CNOT4: variants seen among roughly 807,000 people sequenced by gnomAD.
The protein encoded by CNOT4 is CCR4-NOT transcription complex subunit 4.
Under a neutral mutation model 73.8 loss-of-function variants are expected in CNOT4, and 8 were observed. The ratio of observed to expected loss-of-function variants is 0.11; its 90% confidence interval spans 0.06 to 0.20. CNOT4 has a LOEUF of 0.20. CNOT4 is among the 10% of genes least tolerant of loss of function. The probability of loss-of-function intolerance (pLI) is 1.00; values close to 1 mark genes in which losing one functional copy is unlikely to be tolerated. For missense variants in CNOT4, 564 were observed against 883.4 expected, an observed-to-expected ratio of 0.64 and a Z score of 4.58; for synonymous variants, 293 against 321.1, an observed-to-expected ratio of 0.91 and a Z score of 0.94.
intron 10 of CNOT4, among the ~76,000 whole-genome samples, chr7:135,385,432 AG>A (rs1192913877): frequency 2.0e-5 from 3 of 152,148 alleles, no homozygotes; most frequent in African/African-American, 7.2e-5. Flanking sequence ...CCTGTGCCAG[AG>A]CTCTGGCAGT....
At chr7:135,398,982 T>A (rs1222687942) in intron 7 of CNOT4, among the ~76,000 whole-genome samples, 3 of 152,236 alleles carry the variant, frequency 2.0e-5, no homozygotes, top group Admixed American at 2.0e-4. Context: ...GGCAAACTAC[T>A]GATTCAAACA....
chr7:135,509,918 C>G lies in CNOT4; in HGVS notation c.-122G>C, dbSNP rs1187029449. 2.0e-5 allele frequency: 8 copies of G among 397,556 alleles called. No homozygotes were observed. The East Asian group carries it at 2.9e-4, about 14-fold the overall frequency. 24.6% of individuals were successfully genotyped at this position (397,556 alleles called of 1,614,324 possible). A position where few individuals can be genotyped will look rare whatever the true frequency, so the allele number is the denominator to read the frequency against. On this transcript the variant is annotated 5_prime_UTR_variant, in exon 1 of 12. Coordinates refer to ENST00000541284, the MANE Select transcript of CNOT4 (RefSeq NM_001190850.2). ...CTGCCTTGCCTCGCTTTTCCCTCAGCCGACTCCACGGGCTGCCGCGTCCTC... is the reference window on the plus strand; with the variant it reads ...CTGCCTTGCCTCGCTTTTCCCTCAGGCGACTCCACGGGCTGCCGCGTCCTC...
chr7:135,487,707 T>A (rs1268661336), intron 1 of CNOT4, among the ~76,000 whole-genome samples: 3 of 151,628 alleles, frequency 2.0e-5, no homozygotes, highest in Non-Finnish European at 4.4e-5. Flanking sequence ...CATTGCTTTT[T>A]AAAAAAAAAT....
chr7:135,508,984 T>C (rs1424986961), intron 1 of CNOT4: 1 of 151,958 alleles, frequency 6.6e-6, no homozygotes, highest in Non-Finnish European at 1.5e-5. Flanking sequence ...AAGCGACAAA[T>C]AGATCACAGA....
intron 2 of CNOT4, among the ~76,000 whole-genome samples, chr7:135,424,455 A>AT (rs1259202775): frequency 2.0e-5 from 3 of 152,160 alleles, no homozygotes; most frequent in Non-Finnish European, 4.4e-5. Flanking sequence ...CTACCCCAGA[A>AT]TTCCTGGGGT....
intron 1 of CNOT4, among the ~76,000 whole-genome samples, chr7:135,500,783 T>C (rs1380758308): frequency 6.6e-6 from 1 of 152,224 alleles, no homozygotes; most frequent in East Asian, 1.9e-4. Context: ...GCTATTCAAA[T>C]GTGAGTAGTC....
intron 2 of CNOT4, among the ~76,000 whole-genome samples, chr7:135,436,661 T>G (rs1171691841): frequency 6.6e-6 from 1 of 150,908 alleles, no homozygotes; most frequent in South Asian, 2.1e-4. Context: ...ACATTATATA[T>G]GTTACATATA....
chr7:135,426,225 G>C (rs187727316), intron 2 of CNOT4, among the ~76,000 whole-genome samples: 1 of 151,822 alleles, frequency 6.6e-6, no homozygotes, highest in Non-Finnish European at 1.5e-5. Flanking sequence ...AAAAAGCGGG[G>C]GGAAATGAAG....
intron 1 of CNOT4, among the ~76,000 whole-genome samples, chr7:135,455,432 A>T (rs1800465098): frequency 6.6e-6 from 1 of 152,188 alleles, no homozygotes; most frequent in Non-Finnish European, 1.5e-5. Flanking sequence ...TTGCACATAA[A>T]TATATTCTAT....
chr7:135,428,748 AGAG>A (rs1263563262), intron 2 of CNOT4, among the ~76,000 whole-genome samples: 1 of 152,192 alleles, frequency 6.6e-6, no homozygotes, highest in Non-Finnish European at 1.5e-5. Context: ...TCAGAGTCAC[AGAG>A]GAGAAGAAAG....
rs1401179200 is a variant in CNOT4 at position 135,364,635 on chromosome 7, G to GT, written c.1628-570dup. ...ACAGGCTTTTGAATTTGAAAAGAAT[G>GT]TATTTCCATTTAGTCACTAAGGCCG... On this transcript the variant is annotated intron_variant, in intron 10 of 11. Coordinates refer to ENST00000541284, the MANE Select transcript of CNOT4 (RefSeq NM_001190850.2). This position sits in a 1 kb window ranked among gnomAD's most constrained non-coding sequence, Gnocchi z 4.3. 3.3e-5 allele frequency among the ~76,000 whole-genome samples: 5 copies of GT among 152,354 alleles called. No homozygotes were observed. Among genetic ancestry groups the GT allele is most frequent in the East Asian group, 1.9e-4 (1 of 5,194 alleles).
At chr7:135,494,767 G>C (rs955647847) in intron 1 of CNOT4, among the ~76,000 whole-genome samples, 1 of 152,132 alleles carries the variant, frequency 6.6e-6, no homozygotes, top group Non-Finnish European at 1.5e-5. Context: ...TGAAATCCAA[G>C]TGTAAATAAA....
At chr7:135,387,756 G>T in intron 10 of CNOT4, 1 of 977,962 alleles carries the variant, frequency 1.0e-6, no homozygotes, top group African/African-American at 1.8e-5. Context: ...CAAGAAATGT[G>T]TTTTCAGAAA....
chr7:135,492,928 T>C (rs1803212121), intron 1 of CNOT4, among the ~76,000 whole-genome samples: 1 of 152,038 alleles, frequency 6.6e-6, no homozygotes, highest in Admixed American at 6.6e-5. Context: ...AAAAGAGACT[T>C]AGTGTTAGAA....
chr7:135,392,737 G>A (rs1197848997), intron 10 of CNOT4, among the ~76,000 whole-genome samples: 1 of 151,974 alleles, frequency 6.6e-6, no homozygotes, highest in Non-Finnish European at 1.5e-5. Flanking sequence ...CTGTATCAAC[G>A]GTAAATTTCA....
intron 10 of CNOT4, among the ~76,000 whole-genome samples, chr7:135,366,071 A>G (rs1388310600): frequency 1.3e-5 from 2 of 152,242 alleles, no homozygotes; most frequent in Non-Finnish European, 2.9e-5. Context: ...AAGATGATGT[A>G]TAACTACATG....
At chr7:135,375,798 G>A (rs1585550757) in intron 10 of CNOT4, among the ~76,000 whole-genome samples, 2 of 152,222 alleles carry the variant, frequency 1.3e-5, no homozygotes, top group East Asian at 1.9e-4. Context: ...GGTGGTGGGC[G>A]CCTGTAATTC....
chr7:135,432,255 T>A (rs1022324677), intron 2 of CNOT4, among the ~76,000 whole-genome samples: 1 of 152,144 alleles, frequency 6.6e-6, no homozygotes, highest in Non-Finnish European at 1.5e-5. Context: ...GAAAGGACAG[T>A]CTTTTCTGCA....
At chr7:135,415,764 C>CA (rs1057360013) in intron 3 of CNOT4, among the ~76,000 whole-genome samples, 1 of 152,124 alleles carries the variant, frequency 6.6e-6, no homozygotes, top group Non-Finnish European at 1.5e-5. Flanking sequence ...TTTCAAGTAA[C>CA]AGAGTGCCCA....
Sources: gnomAD v4.1 joint callset for allele counts (sites outside exome capture counted in the v4.1 genomes callset) on GRCh38, gnomAD v4.1.1 for gene constraint, Gnocchi (gnomAD v3.1) non-coding constraint, MANE v1.5 for transcripts, NCBI Gene and HGNC (gene_info 2026-07-23, HGNC 2026-07-21) for gene names.